The following EPB41 variants were observed in gnomAD, a reference collection of about 807,000 sequenced individuals.
EPB41 encodes protein 4.1.
Under a neutral mutation model 108.0 loss-of-function variants are expected in EPB41, and 65 were observed. That is an observed-to-expected ratio of 0.60 (90% confidence interval 0.49 to 0.74). The LOEUF is 0.74. Ranked by LOEUF, EPB41 falls within the 30% of genes least tolerant of loss-of-function variation. The pLI is 0.00. For missense variants in EPB41, 875 were observed against 1,037.0 expected (o/e 0.84, Z 2.15); for synonymous variants, 336 against 358.9 (o/e 0.94, Z 0.72).
Position 29,018,745 on chromosome 1 carries a change from A to AT in EPB41, c.1124+309dup, listed in dbSNP as rs1314281184. 6.6e-6 allele frequency among the ~76,000 whole-genome samples: 1 copy of AT among 152,104 alleles called. No individual in the cohort carries two copies. The highest frequency in any genetic ancestry group is 1.5e-5 in the Non-Finnish European group (1 of 68,014). ...TATTATTTTTGTTTCCTTACCTTTT[A>AT]TTTTTTATCAGATTTAAAGCTAATT... On this transcript the variant is annotated intron_variant, in intron 7 of 20. Coordinates refer to ENST00000343067, the MANE Select transcript of EPB41 (RefSeq NM_001376013.1). The surrounding 1 kb of genome is among the most constrained non-coding windows in gnomAD (Gnocchi z 4.4).
chr1:28,997,958 C>T (rs1415216691), intron 4 of EPB41, among the ~76,000 whole-genome samples: 1 of 152,000 alleles, frequency 6.6e-6, no homozygotes, highest in African/African-American at 2.4e-5. Flanking sequence ...TTGAAAATTG[C>T]AAATATTTAA....
chr1:29,100,121 A>G (rs987888695), intron 17 of EPB41, among the ~76,000 whole-genome samples: 2 of 151,958 alleles, frequency 1.3e-5, no homozygotes, highest in African/African-American at 4.8e-5. Flanking sequence ...TCACCTCACC[A>G]TGAACTGGAT....
intron 16 of EPB41, chr1:29,068,811 C>G: frequency 8.1e-7 from 1 of 1,231,378 alleles, no homozygotes; most frequent in Non-Finnish European, 1.0e-6. Flanking sequence ...ACTTGTGCTT[C>G]TCAATCAGAA....
At position 28,987,675 on chromosome 1, in the gene EPB41, T is replaced by G. The variant is rs942222753; in HGVS notation, c.238T>G (p.Ser80Ala). 3.7e-6 allele frequency: 6 copies of G among 1,614,206 alleles called. No individual in the cohort carries two copies. Among genetic ancestry groups the G allele is most frequent in the Non-Finnish European group, 5.1e-6 (6 of 1,180,040 alleles). ...GCGGACATCAGAAAGCAGAGGACTT[T>G]CACGACTATTCTCCTCGTTTCTCAA... ...KERTSESRGL[S>A]RLFSSFLKRP... Residue 80 changes from serine to alanine, a missense_variant, in exon 2 of 21, where the codon TCA (serine) becomes GCA (alanine). Around this residue, in one of 3 missense-constraint regions of EPB41, gnomAD observed 353 missense variants for 393.2 expected, o/e 0.90. Transcript: ENST00000343067.
chr1:28,891,806 C>T (rs182320144), intron 1 of EPB41, among the ~76,000 whole-genome samples: 13 of 152,166 alleles, frequency 8.5e-5, no homozygotes, highest in Admixed American at 2.6e-4. Flanking sequence ...ATAACACCAC[C>T]GGCCGGGCAT....
intron 3 of EPB41, among the ~76,000 whole-genome samples, chr1:28,993,929 T>C (rs1367380616): frequency 6.6e-6 from 1 of 152,080 alleles, no homozygotes; most frequent in Non-Finnish European, 1.5e-5. Context: ...ATTGCTGGGA[T>C]TACAGGCATG....
intron 1 of EPB41, among the ~76,000 whole-genome samples, chr1:28,985,421 A>G (rs2095851581): frequency 6.6e-6 from 1 of 152,222 alleles, no homozygotes; most frequent in African/African-American, 2.4e-5. Flanking sequence ...AAGAAAGACA[A>G]TAAACTGGTA....
intron 1 of EPB41, among the ~76,000 whole-genome samples, chr1:28,926,752 C>T (rs2093468974): frequency 6.6e-6 from 1 of 152,166 alleles, no homozygotes. Context: ...AAAATCTGAC[C>T]TCATGGAGAT....
intron 7 of EPB41, among the ~76,000 whole-genome samples, chr1:29,024,383 C>G (rs931633737): frequency 2.6e-5 from 4 of 151,672 alleles, no homozygotes; most frequent in Non-Finnish European, 4.4e-5. Flanking sequence ...CCTGTAATCC[C>G]AGCACTTTGG....
chr1:29,112,540 A>C (rs1301334232), intron 19 of EPB41, 92 bp downstream of exon 19: 1 of 1,088,436 alleles, frequency 9.2e-7, no homozygotes, highest in Admixed American at 1.7e-5. Flanking sequence ...TCATCTGCAA[A>C]AAGCCTCTTT....
At chr1:28,996,063 G>A (rs1473821932) in intron 3 of EPB41, among the ~76,000 whole-genome samples, 3 of 152,082 alleles carry the variant, frequency 2.0e-5, no homozygotes, top group Non-Finnish European at 2.9e-5. Flanking sequence ...TCACATATTT[G>A]ATTATTGTTA....
At chr1:29,088,365 G>A (rs1032810782) in intron 16 of EPB41, among the ~76,000 whole-genome samples, 1 of 151,968 alleles carries the variant, frequency 6.6e-6, no homozygotes, top group Non-Finnish European at 1.5e-5. Context: ...TTTTCTTACA[G>A]ATTCCCCATC....
chr1:29,104,217 G>T (rs1666384162), intron 17 of EPB41, among the ~76,000 whole-genome samples: 1 of 152,218 alleles, frequency 6.6e-6, no homozygotes, highest in East Asian at 1.9e-4. Flanking sequence ...CAGATAATAA[G>T]CACTAGATAT....
At chr1:29,040,245 G>A (rs1183848597) in intron 11 of EPB41, among the ~76,000 whole-genome samples, 1 of 151,888 alleles carries the variant, frequency 6.6e-6, no homozygotes, top group Admixed American at 6.6e-5. Context: ...AAGAGGAAAA[G>A]GGTCTGCCTT....
At position 28,978,711 on chromosome 1, in the gene EPB41, G is replaced by A. The variant is rs553056432; in HGVS notation, c.-7-8720G>A. On this transcript the variant is annotated intron_variant, in intron 1 of 20. Coordinates refer to ENST00000343067, the MANE Select transcript of EPB41 (RefSeq NM_001376013.1). ...GTGGGTATCATTAAATTGGCTGGGG[G>A]GCCCGGAAAGAACAAATAGAGAAGA... 2.6e-5 allele frequency among the ~76,000 whole-genome samples: 4 copies of A among 151,356 alleles called. No homozygotes were observed. The South Asian group carries it at 8.3e-4, about 32-fold the overall frequency.
chr1:29,074,495 G>T (rs1323939514), intron 16 of EPB41, among the ~76,000 whole-genome samples: 1 of 152,120 alleles, frequency 6.6e-6, no homozygotes, highest in Non-Finnish European at 1.5e-5. Context: ...TCTCATTTCT[G>T]AAGCTGTTAC....
rs1368925127 is a variant in EPB41, at chr1:29,115,622, A to G, written c.2497-77A>G. The G allele has an allele frequency of 3.2e-6, 4 of 1,242,590 alleles. No homozygotes were observed. Among genetic ancestry groups the G allele is most frequent in the Non-Finnish European group, 3.5e-6 (3 of 852,884 alleles). The allele number at this position is 1,242,590 out of a possible 1,614,324, so 77.0% of individuals were successfully genotyped here. Reference sequence around the variant, plus strand: ...GGAGTATTGGATCTGTCAGAACATCAGAGAAATGATGACCACTGCCTTCCT... The same window carrying G: ...GGAGTATTGGATCTGTCAGAACATCGGAGAAATGATGACCACTGCCTTCCT... On this transcript the variant is annotated intron_variant, in intron 19 of 20. Transcript: ENST00000343067. The surrounding 1 kb of genome is among the most constrained non-coding windows in gnomAD (Gnocchi z 4.4).
intron 1 of EPB41, among the ~76,000 whole-genome samples, chr1:28,897,475 G>C (rs937673577): frequency 6.6e-6 from 1 of 151,976 alleles, no homozygotes; most frequent in African/African-American, 2.4e-5. Flanking sequence ...CTTGAGCCCA[G>C]GAGGTTGAGG....
chr1:28,910,249 C>G (rs1407341160), upstream of EPB41, among the ~76,000 whole-genome samples: 1 of 152,164 alleles, frequency 6.6e-6, no homozygotes, highest in African/African-American at 2.4e-5. Context: ...TAAAATTAAT[C>G]CCCATCCCAC....
Sources: gnomAD v4.1 joint callset for allele counts (sites outside exome capture counted in the v4.1 genomes callset) on GRCh38, gnomAD v4.1.1 for gene constraint, gnomAD v4.1.1 regional missense constraint, Gnocchi (gnomAD v3.1) non-coding constraint, MANE v1.5 for transcripts, NCBI Gene and HGNC (gene_info 2026-07-23, HGNC 2026-07-21) for gene names.